DST: variants seen among roughly 807,000 people sequenced by gnomAD.
The protein encoded by DST is bullous pemphigoid antigen.
Under a neutral mutation model 875.2 loss-of-function variants are expected in DST, and 253 were observed. The ratio of observed to expected loss-of-function variants is 0.29; its 90% CI spans 0.26 to 0.32. The LOEUF (loss-of-function observed/expected upper bound fraction) is 0.32, where lower values mean the gene tolerates loss of function less well. DST is among the 10% of genes least tolerant of loss of function. The pLI is 1.00. For missense variants in DST, 8,287 were observed against 9,111.6 expected (o/e 0.91, Z 3.68); for synonymous variants, 3,124 against 3,197.1 (o/e 0.98, Z 0.77).
intron 61 of DST, among the ~76,000 whole-genome samples, chr6:56,550,129 T>C (rs1235131633): frequency 3.9e-5 from 6 of 152,152 alleles, no homozygotes; most frequent in Non-Finnish European, 5.9e-5. Context: ...CACACACACA[T>C]ACACAGATAA....
At chr6:56,784,964 G>C (rs1188895780) in intron 4 of DST, among the ~76,000 whole-genome samples, 1 of 152,170 alleles carries the variant, frequency 6.6e-6, no homozygotes, top group African/African-American at 2.4e-5. Context: ...CTCAGCTGCA[G>C]GTCTGTTGGA....
Position 56,552,719 on chromosome 6 carries a change from G to T in DST, c.16073C>A (p.Thr5358Asn). 6.2e-7 allele frequency: 1 copy of T among 1,612,356 alleles called. No individual in the cohort carries two copies. Among genetic ancestry groups the T allele is most frequent in the Non-Finnish European group, 8.5e-7 (1 of 1,179,876 alleles). ...TAGTGTACTATGCTCTTGAGCTATG[G>T]TTTCCACTTGTAATAAAACATCAGA... The part of the protein sequence containing the change: ...GTSDVLLQVE[T>N]IAQEHSTLSQ... Residue 5358 changes from threonine (T) to asparagine (N), a missense_variant, in exon 61 of 104, where the codon ACC becomes AAC. By Grantham distance (65) the Thr-to-Asn change is moderately conservative. Transcript: ENST00000680361.
In DST at chr6:56,631,028, C is replaced by T. The variant is rs902269793; in HGVS notation, c.4142+183G>A. Among the ~76,000 whole-genome samples, 5 of 152,202 alleles carry T rather than the reference C, an allele frequency of 3.3e-5. No individual in the cohort carries two copies. In the South Asian group the frequency reaches 1.0e-3, roughly 32 times the overall value. On this transcript the variant is annotated intron_variant, in intron 30 of 103. Transcript: ENST00000680361. ...GAACTCCTGACCTCAGGTGATTCAC[C>T]TGCCTTGGCCTCCCAAAGTGCTGGG...
chr6:56,615,075 A>G, intron 36 of DST: 1 of 1,021,472 alleles, frequency 9.8e-7, no homozygotes, highest in Non-Finnish European at 1.2e-6. Context: ...AAAACACTGC[A>G]GCTTGAAGGC....
At chr6:56,578,980 A>G in intron 49 of DST, 43 bp from the exon 50 acceptor site, 1 of 1,458,096 alleles carries the variant, frequency 6.9e-7, no homozygotes, top group Non-Finnish European at 9.2e-7. Context: ...GCAGGACTAA[A>G]TAATAGATTT....
chr6:56,606,945 C>A lies in DST; in HGVS notation c.7683G>T (p.Val2561=), dbSNP rs1031453051. 2 of 1,613,460 alleles carry A rather than the reference C, an allele frequency of 1.2e-6. No individual in the cohort carries two copies. The highest frequency in any genetic ancestry group is 3.3e-5 in the Admixed American group (2 of 59,938). ...ESEIEEYSCA[V]TPGGDTDNAI... ...CATTATCAGTATCACCCCCTGGAGT[C>A]ACAGCACAGGAATACTCTTCTATTT... Residue 2561 remains valine (V), a synonymous_variant, in exon 40 of 104, where the codon GTG becomes GTT. Coordinates refer to ENST00000680361, the MANE Select transcript of DST (RefSeq NM_001374736.1).
intron 2 of DST, among the ~76,000 whole-genome samples, chr6:56,938,105 T>TCC: frequency 4.6e-5 from 1 of 21,968 alleles, no homozygotes; most frequent in East Asian, 1.8e-3. Flanking sequence ...TCTCTCTCTC[T>TCC]CTCTATATAT....
At chr6:56,573,172 C>CAAG in intron 51 of DST, 108 bp from the exon 52 acceptor site, 6 of 981,754 alleles carry the variant, frequency 6.1e-6, no homozygotes, top group South Asian at 1.9e-5. Context: ...ACAACCTGTG[C>CAAG]CTAGGAAGGT....
intron 4 of DST, among the ~76,000 whole-genome samples, chr6:56,817,310 G>A (rs895559703): frequency 2.6e-5 from 4 of 152,014 alleles, no homozygotes; most frequent in Non-Finnish European, 5.9e-5. Context: ...GCAACTTCAC[G>A]ACTTAAATCA....
chr6:56,691,036 A>G (rs1289809730), intron 9 of DST, among the ~76,000 whole-genome samples: 1 of 152,204 alleles, frequency 6.6e-6, no homozygotes, highest in Non-Finnish European at 1.5e-5. Flanking sequence ...GTTATTTCGC[A>G]AATCTGACTG....
chr6:56,562,851 T>C (rs891081443), intron 55 of DST, among the ~76,000 whole-genome samples: 35 of 152,124 alleles, frequency 2.3e-4, no homozygotes, highest in Admixed American at 2.3e-3. Flanking sequence ...TGGTTTTCTG[T>C]TCCTGTGTTA....
intron 69 of DST, among the ~76,000 whole-genome samples, chr6:56,522,170 T>C (rs1409753125): frequency 1.3e-5 from 2 of 152,138 alleles, no homozygotes; most frequent in Non-Finnish European, 2.9e-5. Flanking sequence ...ACTGAGCACA[T>C]TGTTCTAAGT....
In DST at chr6:56,605,366, T is replaced by C. The variant is rs2098485055; in HGVS notation, c.9262A>G (p.Ile3088Val). 6.2e-7 allele frequency: 1 copy of C among 1,612,614 alleles called. No individual in the cohort carries two copies. Among genetic ancestry groups the C allele is most frequent in the Non-Finnish European group, 8.5e-7 (1 of 1,179,204 alleles). Residue 3088 changes from isoleucine (I) to valine (V), a missense_variant, in exon 40 of 104, where the codon ATT becomes GTT. Physicochemically the swap from Ile to Val is conservative, Grantham distance 29. Transcript: ENST00000680361. ...GKNTRDSFKLINSQFPFPQIT... is the reference protein window; with the variant it reads ...GKNTRDSFKLVNSQFPFPQIT... ...TGTGGAAATGGAAACTGACTATTAA[T>C]TAACTTGAAACTATCCCTTGTATTT... is the stretch of plus-strand genomic sequence containing the variant.
chr6:56,573,616 T>C lies in DST; in HGVS notation c.13236+63A>G. On this transcript the variant is annotated intron_variant, in intron 51 of 103. Coordinates refer to ENST00000680361, the MANE Select transcript of DST (RefSeq NM_001374736.1). ...AGTTTATCTTAAATCTAACTACACT[T>C]TGAGCTTATAAAACTGTTTTTTTAA... 3.2e-6 allele frequency: 4 copies of C among 1,242,642 alleles called. No homozygotes were observed. In the South Asian group the frequency reaches 5.1e-5, roughly 16 times the overall value. 77.0% of individuals were successfully genotyped at this position (1,242,642 alleles called of 1,614,324 possible). A position where few individuals can be genotyped will look rare whatever the true frequency, so the allele number is the denominator to read the frequency against.
At chr6:56,629,711 T>G (rs1375346295) in intron 31 of DST, among the ~76,000 whole-genome samples, 1 of 152,176 alleles carries the variant, frequency 6.6e-6, no homozygotes, top group East Asian at 1.9e-4. Flanking sequence ...ATAAGCAAGT[T>G]TGCTACCTCC....
At chr6:56,516,419 T>C (rs1423649078) in intron 71 of DST, among the ~76,000 whole-genome samples, 1 of 152,136 alleles carries the variant, frequency 6.6e-6, no homozygotes. Context: ...AAAAATAATA[T>C]TCAATTATAA....
chr6:56,734,604 CA>C (rs1485201794), intron 5 of DST, among the ~76,000 whole-genome samples: 1 of 152,134 alleles, frequency 6.6e-6, no homozygotes, highest in Non-Finnish European at 1.5e-5. Flanking sequence ...CAATAGGGTC[CA>C]ATAACTCCAC....
rs571282019 is a variant in DST at position 56,620,370 on chromosome 6, T to C, written c.4929+4160A>G. Reference sequence around the variant, plus strand: ...GCAGCTCTTTTAGCCTCGGCCTCTATGGTGAGCTGCCTCACCCGCTCCAGT... The same window carrying C: ...GCAGCTCTTTTAGCCTCGGCCTCTACGGTGAGCTGCCTCACCCGCTCCAGT... On this transcript the variant is annotated intron_variant, in intron 36 of 103. Coordinates refer to ENST00000680361, the MANE Select transcript of DST (RefSeq NM_001374736.1). 52 of 1,614,082 alleles carry C rather than the reference T, an allele frequency of 3.2e-5. No individual in the cohort carries two copies. Among genetic ancestry groups the C allele is most frequent in the Non-Finnish European group, 4.3e-5 (51 of 1,180,028 alleles).
intron 36 of DST, chr6:56,620,132 T>C: frequency 6.2e-7 from 1 of 1,613,666 alleles, no homozygotes; most frequent in South Asian, 1.1e-5. Flanking sequence ...TACCTGTTTC[T>C]GAAATGCAAG....
Sources: gnomAD v4.1 joint callset for allele counts (sites outside exome capture counted in the v4.1 genomes callset) on GRCh38, gnomAD v4.1.1 for gene constraint, MANE v1.5 for transcripts, NCBI Gene and HGNC (gene_info 2026-07-23, HGNC 2026-07-21) for gene names.